The following TTYH1 variants were observed in gnomAD, a reference collection of about 807,000 sequenced individuals.
TTYH1 encodes the protein protein tweety homolog 1.
In TTYH1, 33 loss-of-function variants were observed where a neutral mutation model predicts 61.2. The ratio of observed to expected loss-of-function variants is 0.54; its 90% CI spans 0.41 to 0.72. The LOEUF (loss-of-function observed/expected upper bound fraction) is 0.72. TTYH1 is among the 30% of genes least tolerant of loss of function. TTYH1 has a pLI of 0.00. For missense variants in TTYH1, 538 were observed against 575.8 expected (o/e 0.93, Z 0.67); for synonymous variants, 308 against 266.4 (o/e 1.16, Z -1.52).
At position 54,436,076 on chromosome 19, in the gene TTYH1, C is replaced by T. The variant is rs1023758143; in HGVS notation, c.1315-15C>T. On this transcript the variant is annotated splice_polypyrimidine_tract_variant and intron_variant, in intron 12 of 13. Transcript: ENST00000376530. This position sits in a 1 kb window ranked among gnomAD's most constrained non-coding sequence, Gnocchi z 4.3. ...CATTCCCTCCTCTCCCCCGCTACCCCGAATCTCCTAGCAGGAATCCAAGCG... is the reference window on the plus strand; with the variant it reads ...CATTCCCTCCTCTCCCCCGCTACCCTGAATCTCCTAGCAGGAATCCAAGCG... 1.6e-5 allele frequency: 26 copies of T among 1,613,518 alleles called. No homozygotes were observed. The highest frequency in any genetic ancestry group is 1.2e-4 in the Admixed American group (7 of 59,978).
At chr19:54,417,758 GCA>G (rs1224572251) in intron 1 of TTYH1, among the ~76,000 whole-genome samples, 8 of 151,320 alleles carry the variant, frequency 5.3e-5, no homozygotes, top group African/African-American at 1.9e-4. Flanking sequence ...GCATTCATGT[GCA>G]CACACACACT....
At position 54,431,112 on chromosome 19, in the gene TTYH1, C is replaced by G; in HGVS notation, c.1046C>G (p.Ser349Cys). 1 of 1,613,344 alleles carries G rather than the reference C, an allele frequency of 6.2e-7. No individual in the cohort carries two copies. The highest frequency in any genetic ancestry group is 8.5e-7 in the Non-Finnish European group (1 of 1,179,318). The change falls in exon 10 of 14, where the codon TCC becomes TGC. Residue 349 changes from serine to cysteine, a missense_variant. Ser to Cys is a moderately radical substitution (Grantham distance 112). Transcript: ENST00000376530. ...QFPSAQKPLL[S>C]LEETLNVTEG... ...CTCGCCCCGCAGAAGCCTCTGCTGT[C>G]CTTGGAGGAGACTCTGAATGTGACA...
In TTYH1 at chr19:54,435,528, C is replaced by T. The variant is rs772673485; in HGVS notation, c.1126-14C>T. 7.0e-6 allele frequency: 11 copies of T among 1,580,950 alleles called. No individual in the cohort carries two copies. The highest frequency in any genetic ancestry group is 5.2e-5 in the Admixed American group (3 of 58,122). On this transcript the variant is annotated splice_polypyrimidine_tract_variant and intron_variant, in intron 10 of 13. Coordinates refer to ENST00000376530, the MANE Select transcript of TTYH1 (RefSeq NM_020659.4). The stretch of plus-strand genomic sequence containing the variant: ...GGGGTGGGGACGCATGGCCTGATGA[C>T]GCCCTCCCCTCAGGACTATGGTGCA...
intron 4 of TTYH1, among the ~76,000 whole-genome samples, chr19:54,423,507 G>A (rs779703222): frequency 5.9e-5 from 9 of 152,138 alleles, no homozygotes; most frequent in Non-Finnish European, 8.8e-5. Flanking sequence ...AAGAGGCAGC[G>A]TACCTACAGA....
intron 10 of TTYH1, chr19:54,433,739 C>T (rs2083485376): frequency 6.6e-6 from 1 of 151,422 alleles, no homozygotes; most frequent in African/African-American, 2.4e-5. Flanking sequence ...CAATAAGGGA[C>T]ATCAGGGATG....
At chr19:54,426,305 G>C (rs1441013664) in intron 4 of TTYH1, among the ~76,000 whole-genome samples, 1 of 152,170 alleles carries the variant, frequency 6.6e-6, no homozygotes, top group East Asian at 1.9e-4. Flanking sequence ...GATGCGATGG[G>C]ATCTTTGGTG....
At position 54,416,553 on chromosome 19, in the gene TTYH1, C is replaced by A; in HGVS notation, c.126+875C>A. 1 of 341,464 alleles carries A rather than the reference C, an allele frequency of 2.9e-6. No individual in the cohort carries two copies. 21.2% of individuals were successfully genotyped at this position (341,464 alleles called of 1,614,324 possible). On this transcript the variant is annotated intron_variant, in intron 1 of 13. Transcript: ENST00000376530. This position sits in a 1 kb window ranked among gnomAD's most constrained non-coding sequence, Gnocchi z 7.0. Reference sequence around the variant, plus strand: ...GATGTGGCCCCAGGACGGGTCCTGGCCCTGCTGATGGGGCCTGAGCCCCTG... The same window carrying A: ...GATGTGGCCCCAGGACGGGTCCTGGACCTGCTGATGGGGCCTGAGCCCCTG...
chr19:54,423,011 C>T (rs2083251330), intron 4 of TTYH1, among the ~76,000 whole-genome samples: 1 of 150,646 alleles, frequency 6.6e-6, no homozygotes, highest in South Asian at 2.1e-4. Flanking sequence ...GCCATCCTGA[C>T]ACCCATGTCC....
In TTYH1 at chr19:54,429,861, C is replaced by A. The variant is rs375754168; in HGVS notation, c.808-21C>A. 3 of 1,612,782 alleles carry A rather than the reference C, an allele frequency of 1.9e-6. No homozygotes were observed. In the African/African-American group the frequency reaches 4.0e-5, roughly 22 times the overall value. ...TCGGGGCAGTTTTGGGTTTGAGCCC[C>A]TTTTCTGCTGCCTCACGCAGGGCCT... On this transcript the variant is annotated intron_variant, in intron 6 of 13. Transcript: ENST00000376530. The surrounding 1 kb of genome is among the most constrained non-coding windows in gnomAD (Gnocchi z 5.1).
Position 54,426,859 on chromosome 19 carries a change from C to T in TTYH1, c.734+91C>T, listed in dbSNP as rs574714307. On this transcript the variant is annotated intron_variant, in intron 5 of 13. Transcript: ENST00000376530. ...CTTACAACTCTCCTACACGGAGGAC[C>T]GTGGTCCTTCACGGCCGGGTACACA... The T allele has an allele frequency of 1.6e-4, 194 of 1,194,394 alleles. 1 individual carries two copies. The highest frequency in any genetic ancestry group is 7.9e-4 in the Middle Eastern group (4 of 5,092). The allele number at this position is 1,194,394 out of a possible 1,614,324, so 74.0% of individuals were successfully genotyped here.
chr19:54,431,496 T>G, intron 10 of TTYH1: 2 of 435,862 alleles, frequency 4.6e-6, no homozygotes, highest in Non-Finnish European at 8.2e-6. Context: ...CTTCCTTGTC[T>G]TCTCTCCTCT....
Position 54,421,136 on chromosome 19 carries a change from C to A in TTYH1, c.306-141C>A, listed in dbSNP as rs1260668940. ...GGGGCCAGGCTGAAGTCGCCCTTTT[C>A]CCACGGGCTGGCCCAATGAGGTGGG... is the stretch of plus-strand genomic sequence containing the variant. On this transcript the variant is annotated intron_variant, in intron 2 of 13. Transcript: ENST00000376530. The surrounding 1 kb of genome is among the most constrained non-coding windows in gnomAD (Gnocchi z 4.8). The A allele has an allele frequency of 1.6e-6, 1 of 635,204 alleles. No individual in the cohort carries two copies. The highest frequency in any genetic ancestry group is 1.8e-5 in the African/African-American group (1 of 55,668). 39.3% of individuals were successfully genotyped at this position (635,204 alleles called of 1,614,324 possible).
At chr19:54,427,903 C>T (rs2083360786) in intron 5 of TTYH1, among the ~76,000 whole-genome samples, 1 of 151,960 alleles carries the variant, frequency 6.6e-6, no homozygotes, top group Non-Finnish European at 1.5e-5. Context: ...CTTCCTTCTG[C>T]CTGTTTTTTA....
Position 54,419,045 on chromosome 19 carries a change from G to A in TTYH1, c.127-83G>A, listed in dbSNP as rs370564405. On this transcript the variant is annotated intron_variant, in intron 1 of 13. Coordinates refer to ENST00000376530, the MANE Select transcript of TTYH1 (RefSeq NM_020659.4). This position sits in a 1 kb window ranked among gnomAD's most constrained non-coding sequence, Gnocchi z 6.1. Reference sequence around the variant, plus strand: ...CCTTCACTCTGACATCCCAGACCCCGACCCCCCAGCCACGCAGGAAGGGGG... The same window carrying A: ...CCTTCACTCTGACATCCCAGACCCCAACCCCCCAGCCACGCAGGAAGGGGG... 116 of 1,408,392 alleles carry A rather than the reference G, an allele frequency of 8.2e-5. No individual in the cohort carries two copies. The highest frequency in any genetic ancestry group is 1.0e-4 in the Non-Finnish European group (105 of 1,034,498). The allele number at this position is 1,408,392 out of a possible 1,614,324, so 87.2% of individuals were successfully genotyped here. A position where few individuals can be genotyped will look rare whatever the true frequency, so the allele number is the denominator to read the frequency against.
chr19:54,419,622 T>C lies in TTYH1; in HGVS notation c.305+316T>C. On this transcript the variant is annotated intron_variant, in intron 2 of 13. Coordinates refer to ENST00000376530, the MANE Select transcript of TTYH1 (RefSeq NM_020659.4). The surrounding 1 kb of genome is among the most constrained non-coding windows in gnomAD (Gnocchi z 6.1). ...ATAGCTGTGTGACCTAAGGGAGTGA[T>C]AGTCTCCCTGGGCCTCAATTTCCAC... 1.6e-6 allele frequency: 1 copy of C among 613,646 alleles called. No individual in the cohort carries two copies. Among genetic ancestry groups the C allele is most frequent in the Non-Finnish European group, 3.0e-6 (1 of 328,058 alleles). The allele number at this position is 613,646 out of a possible 1,614,324, so 38.0% of individuals were successfully genotyped here. A position where few individuals can be genotyped will look rare whatever the true frequency, so the allele number is the denominator to read the frequency against.
chr19:54,419,003 G>C lies in TTYH1; in HGVS notation c.127-125G>C. Reference sequence around the variant, plus strand: ...GGGACCCAATCTCCCCCAAGATTAGGCCAGGGATGTCTCCCACCTTCACTC... The same window carrying C: ...GGGACCCAATCTCCCCCAAGATTAGCCCAGGGATGTCTCCCACCTTCACTC... On this transcript the variant is annotated intron_variant, in intron 1 of 13. Coordinates refer to ENST00000376530, the MANE Select transcript of TTYH1 (RefSeq NM_020659.4). The surrounding 1 kb of genome is among the most constrained non-coding windows in gnomAD (Gnocchi z 6.1). 1.0e-6 allele frequency: 1 copy of C among 969,150 alleles called. No individual in the cohort carries two copies. The allele number at this position is 969,150 out of a possible 1,614,324, so 60.0% of individuals were successfully genotyped here. A position where few individuals can be genotyped will look rare whatever the true frequency, so the allele number is the denominator to read the frequency against.
chr19:54,431,141 G>A lies in TTYH1; in HGVS notation c.1075G>A (p.Gly359Arg). The change falls in exon 10 of 14, where the codon GGA becomes AGA. Residue 359 changes from glycine (G) to arginine (R), a missense_variant. Physicochemically the swap from Gly to Arg is moderately radical, Grantham distance 125. Around this residue, in one of 3 missense-constraint regions of TTYH1, gnomAD observed 378 missense variants for 401.2 expected, o/e 0.94. Coordinates refer to ENST00000376530, the MANE Select transcript of TTYH1 (RefSeq NM_020659.4). ...GGAGGAGACTCTGAATGTGACAGAA[G>A]GAAATTTCCACCAGTTGGTGGCACT... ...SLEETLNVTE[G>R]NFHQLVALLH... The A allele has an allele frequency of 6.2e-7, 1 of 1,614,012 alleles. No homozygotes were observed. Among genetic ancestry groups the A allele is most frequent in the Non-Finnish European group, 8.5e-7 (1 of 1,179,956 alleles).
chr19:54,425,843 G>A (rs2083310760), intron 4 of TTYH1, among the ~76,000 whole-genome samples: 1 of 151,850 alleles, frequency 6.6e-6, no homozygotes, highest in Non-Finnish European at 1.5e-5. Context: ...AGCCTCCCAA[G>A]TAGCTGGGAT....
chr19:54,424,659 A>G (rs3786637), intron 4 of TTYH1, among the ~76,000 whole-genome samples: 146,341 of 152,286 alleles, frequency 0.96, 70,365 homozygotes, highest in Non-Finnish European at 0.98. Flanking sequence ...ACCCACCATC[A>G]CTAGAAAATA....
Sources: allele counts gnomAD v4.1 joint callset (sites outside exome capture counted in the v4.1 genomes callset), GRCh38; gene constraint gnomAD v4.1.1; regional missense constraint gnomAD v4.1.1; non-coding constraint Gnocchi (gnomAD v3.1); transcripts MANE v1.5; gene names NCBI Gene and HGNC (gene_info 2026-07-23, HGNC 2026-07-21).